KIF1A: variants seen among roughly 807,000 people sequenced by gnomAD.
KIF1A encodes kinesin family member 1A.
In KIF1A, 46 loss-of-function variants were observed where a neutral mutation model predicts 227.3. The observed-to-expected ratio is 0.20, with a 90% CI of 0.16 to 0.26. The LOEUF (loss-of-function observed/expected upper bound fraction) is 0.26, where lower values mean the gene tolerates loss of function less well. Among genes scored for constraint, KIF1A ranks in the 10% least tolerant of loss-of-function variants. The pLI is 1.00. For missense variants in KIF1A, 1,683 were observed against 2,485.9 expected (o/e 0.68, Z 6.87); for synonymous variants, 1,022 against 1,012.8 (o/e 1.01, Z -0.17).
At chr2:240,774,978 T>C (rs1014216329) in intron 11 of KIF1A, among the ~76,000 whole-genome samples, 3 of 152,160 alleles carry the variant, frequency 2.0e-5, no homozygotes, top group African/African-American at 7.2e-5. Flanking sequence ...GCTGGGCACA[T>C]ACCACACGGG....
In KIF1A at chr2:240,780,772, A is replaced by ACACACACACACACACACACACACAGCTC. The variant is rs2053571669; in HGVS notation, c.882+1817_882+1818insGAGCTGTGTGTGTGTGTGTGTGTGTGTG. ...CTCTGCAGGCTCCCCACACAGCTCC[A>ACACACACACACACACACACACACAGCTC]CACACACACACACACACACACAGCT... is the stretch of plus-strand genomic sequence containing the variant. On this transcript the variant is annotated intron_variant, in intron 10 of 48. Transcript: ENST00000498729. 3.6e-5 allele frequency among the ~76,000 whole-genome samples: 4 copies of ACACACACACACACACACACACACAGCTC among 110,064 alleles called. 1 individual carries two copies. Among genetic ancestry groups the ACACACACACACACACACACACACAGCTC allele is most frequent in the South Asian group, 2.7e-4 (1 of 3,672 alleles). The allele number at this position is 110,064 out of a possible 152,430, so 72.2% of individuals were successfully genotyped here.
intron 1 of KIF1A, among the ~76,000 whole-genome samples, chr2:240,803,495 C>T (rs1057124909): frequency 2.0e-5 from 3 of 152,218 alleles, no homozygotes; most frequent in Admixed American, 6.5e-5. Context: ...GGCTGCTGAG[C>T]GTTCTCTCCT....
intron 34 of KIF1A, among the ~76,000 whole-genome samples, chr2:240,742,120 CCCA>C (rs930549617): frequency 1.3e-5 from 2 of 152,232 alleles, no homozygotes; most frequent in African/African-American, 4.8e-5. Flanking sequence ...AGGGTGTCCT[CCCA>C]CAGTGTCCTC....
intron 34 of KIF1A, among the ~76,000 whole-genome samples, chr2:240,742,445 TA>T (rs1362658634): frequency 6.6e-6 from 1 of 152,132 alleles, no homozygotes; most frequent in African/African-American, 2.4e-5. Context: ...CTCTTTTAAC[TA>T]AAAGCCAGTG....
In KIF1A at chr2:240,757,671, T is replaced by TA; in HGVS notation, c.2583-78_2583-77insT. Reference sequence around the variant, plus strand: ...GACGAACAGGGGCCGGGGCCGGGGCTGGGGGGCTTCTGTTTAAAACCAAAA... The same window carrying TA: ...GACGAACAGGGGCCGGGGCCGGGGCTAGGGGGGCTTCTGTTTAAAACCAAAA... On this transcript the variant is annotated intron_variant, in intron 26 of 48. Transcript: ENST00000498729. This position sits in a 1 kb window ranked among gnomAD's most constrained non-coding sequence, Gnocchi z 6.2. 1 of 1,424,250 alleles carries TA rather than the reference T, an allele frequency of 7.0e-7. No individual in the cohort carries two copies. The highest frequency in any genetic ancestry group is 9.5e-7 in the Non-Finnish European group (1 of 1,056,742). 88.2% of individuals were successfully genotyped at this position (1,424,250 alleles called of 1,614,324 possible).
chr2:240,754,489 G>A (rs1009252426), intron 27 of KIF1A, among the ~76,000 whole-genome samples: 8 of 152,246 alleles, frequency 5.3e-5, no homozygotes, highest in African/African-American at 1.9e-4. Flanking sequence ...AGCTGGGCCC[G>A]GAAGGTGCCC....
intron 1 of KIF1A, among the ~76,000 whole-genome samples, chr2:240,819,736 G>T (rs2058592785): frequency 6.6e-6 from 1 of 152,072 alleles, no homozygotes; most frequent in African/African-American, 2.4e-5. Flanking sequence ...CCCGCCGGTG[G>T]CTCCTCTCCA....
In KIF1A at chr2:240,719,768, A is replaced by G. The variant is rs1179810798; in HGVS notation, c.5021+6T>C. The G allele has an allele frequency of 8.3e-6, 13 of 1,561,906 alleles. No individual in the cohort carries two copies. The highest frequency in any genetic ancestry group is 1.1e-5 in the Non-Finnish European group (13 of 1,152,502). ...TGGCGGTGCTTTCCAGGGAGGCCCCACACACCTGACTCGGATCTCCTGGAT... is the reference window on the plus strand; with the variant it reads ...TGGCGGTGCTTTCCAGGGAGGCCCCGCACACCTGACTCGGATCTCCTGGAT... On this transcript the variant is annotated splice_donor_region_variant and intron_variant, in intron 46 of 48. Transcript: ENST00000498729.
chr2:240,763,928 C>T (rs2050830395), intron 20 of KIF1A, among the ~76,000 whole-genome samples: 1 of 152,166 alleles, frequency 6.6e-6, no homozygotes, highest in Non-Finnish European at 1.5e-5. Flanking sequence ...AGCATCAGGG[C>T]CACCGAGGCA....
In KIF1A at chr2:240,750,614, C is replaced by T. The variant is rs2049099978; in HGVS notation, c.2859-67G>A. 1.5e-5 allele frequency: 17 copies of T among 1,164,818 alleles called. 1 individual carries two copies. In the Admixed American group the frequency reaches 2.7e-4, roughly 19 times the overall value. The allele number at this position is 1,164,818 out of a possible 1,614,324, so 72.2% of individuals were successfully genotyped here. A position where few individuals can be genotyped will look rare whatever the true frequency, so the allele number is the denominator to read the frequency against. On this transcript the variant is annotated intron_variant, in intron 27 of 48. Transcript: ENST00000498729. ...CGCATGTTCTGAACGGCAGCGGTGG[C>T]AGCATGGCCTGGCTCACGACACAAC...
At chr2:240,807,078 ATGTGTGTGTGTGTG>A (rs67918205) in intron 1 of KIF1A, among the ~76,000 whole-genome samples, 20 of 95,252 alleles carry the variant, frequency 2.1e-4, no homozygotes, top group Middle Eastern at 5.1e-3. Flanking sequence ...CCTCATATAT[ATGTGTGTGTGTGTG>A]TGTGTGTGTG....
intron 27 of KIF1A, among the ~76,000 whole-genome samples, chr2:240,753,707 G>T (rs1264034144): frequency 6.6e-6 from 1 of 152,190 alleles, no homozygotes; most frequent in African/African-American, 2.4e-5. Context: ...CTAATAAACA[G>T]CCATCTCAAC....
In KIF1A at chr2:240,740,588, T is replaced by C. The variant is rs1016677184; in HGVS notation, c.3750-224A>G. Among the ~76,000 whole-genome samples the C allele has an allele frequency of 6.6e-6, 1 of 151,982 alleles. No homozygotes were observed. Among genetic ancestry groups the C allele is most frequent in the African/African-American group, 2.4e-5 (1 of 41,358 alleles). On this transcript the variant is annotated intron_variant, in intron 35 of 48. Transcript: ENST00000498729. This position sits in a 1 kb window ranked among gnomAD's most constrained non-coding sequence, Gnocchi z 6.1. ...CCCTGCCCACTGGACTGGCAGGGTGTCCAACAAGGAGACACGGTATGGCAC... is the reference window on the plus strand; with the variant it reads ...CCCTGCCCACTGGACTGGCAGGGTGCCCAACAAGGAGACACGGTATGGCAC...
chr2:240,739,936 G>A lies in KIF1A; in HGVS notation c.3901+122C>T, dbSNP rs1276523085. On this transcript the variant is annotated intron_variant, in intron 37 of 48. Coordinates refer to ENST00000498729, the MANE Select transcript of KIF1A (RefSeq NM_001244008.2). This position sits in a 1 kb window ranked among gnomAD's most constrained non-coding sequence, Gnocchi z 5.6. ...GAGTCACAGAGAGATTATGTGACCC[G>A]GCCAGGGTCACGCAGCAACAGACGC... The A allele has an allele frequency of 6.9e-6, 5 of 726,674 alleles. No individual in the cohort carries two copies. Among genetic ancestry groups the A allele is most frequent in the South Asian group, 3.4e-5 (2 of 59,050 alleles). 45.0% of individuals were successfully genotyped at this position (726,674 alleles called of 1,614,324 possible). A position where few individuals can be genotyped will look rare whatever the true frequency, so the allele number is the denominator to read the frequency against.
At chr2:240,743,110 G>A (rs772377750) in intron 33 of KIF1A, 126 bp from the exon 34 acceptor site, 431 of 702,052 alleles carry the variant, frequency 6.1e-4, no homozygotes, top group Non-Finnish European at 8.5e-4. Flanking sequence ...CTCCAAGACC[G>A]TCCACCAGCT....
chr2:240,715,268 G>T lies in KIF1A; in HGVS notation c.*2096C>A, dbSNP rs965948374. ...TGCCTCCAGAGGTCACCCATGGGGA[G>T]CACAGGCCACCTGGCTTCTGAATTT... On this transcript the variant is annotated 3_prime_UTR_variant, in exon 49 of 49. Transcript: ENST00000498729. 2 of 152,484 alleles carry T rather than the reference G, an allele frequency of 1.3e-5. No individual in the cohort carries two copies. The highest frequency in any genetic ancestry group is 2.9e-5 in the Non-Finnish European group (2 of 68,100). 9.4% of individuals were successfully genotyped at this position (152,484 alleles called of 1,614,324 possible). A position where few individuals can be genotyped will look rare whatever the true frequency, so the allele number is the denominator to read the frequency against.
intron 43 of KIF1A, 102 bp from the exon 44 acceptor site, chr2:240,721,986 G>C: frequency 1.1e-6 from 1 of 930,418 alleles, no homozygotes; most frequent in Non-Finnish European, 1.7e-6. Context: ...ACACAGGTGG[G>C]TTCCGACGCC....
intron 43 of KIF1A, 109 bp from the exon 44 acceptor site, chr2:240,721,993 C>T (rs778622395): frequency 4.3e-5 from 36 of 842,018 alleles, no homozygotes; most frequent in South Asian, 1.6e-4. Context: ...TGGGTTCCGA[C>T]GCCAGAGCAC....
chr2:240,741,420 C>T, intron 34 of KIF1A, 43 bp from the exon 35 acceptor site: 1 of 1,421,216 alleles, frequency 7.0e-7, no homozygotes, highest in Non-Finnish European at 9.4e-7. Flanking sequence ...GGAGACCTGA[C>T]CTATCACGTG....
Sources: allele counts gnomAD v4.1 joint callset (sites outside exome capture counted in the v4.1 genomes callset), GRCh38; gene constraint gnomAD v4.1.1; non-coding constraint Gnocchi (gnomAD v3.1); transcripts MANE v1.5; gene names NCBI Gene and HGNC (gene_info 2026-07-23, HGNC 2026-07-21).